Variants in DENND4C observed in about 807,000 individuals in gnomAD.
The protein encoded by DENND4C is DENN domain containing 4C.
Under a neutral mutation model 203.0 loss-of-function variants are expected in DENND4C, and 108 were observed. The observed-to-expected ratio is 0.53, with a 90% confidence interval of 0.46 to 0.62. The LOEUF is 0.62. DENND4C is among the 20% of genes least tolerant of loss of function. The pLI, the probability that DENND4C is intolerant of heterozygous loss-of-function variation, is 0.00. For synonymous variants in DENND4C, 871 were observed against 792.4 expected, an observed-to-expected ratio of 1.10 and a Z score of -1.67; for missense variants, 2,481 against 2,301.2, an observed-to-expected ratio of 1.08 and a Z score of -1.60.
Position 19,346,008 on chromosome 9 carries a change from A to C in DENND4C, c.3239A>C (p.Asp1080Ala). 2 of 1,614,160 alleles carry C rather than the reference A, an allele frequency of 1.2e-6. No individual in the cohort carries two copies. The highest frequency in any genetic ancestry group is 1.7e-6 in the Non-Finnish European group (2 of 1,180,032). Residue 1080 changes from aspartate to alanine, a missense_variant, in exon 23 of 33, where the codon GAT becomes GCT. Asp to Ala is a moderately radical substitution (Grantham distance 126). This residue lies in a region of DENND4C where 2,289 missense variants were observed against 2,113.3 expected (regional missense o/e 1.08). Transcript: ENST00000434457. Reference protein sequence around the residue: ...GEATNLKKNGDRGEKRQKHFP... With the variant: ...GEATNLKKNGARGEKRQKHFP... ...GCTACTAATCTCAAGAAGAATGGTG[A>C]TAGAGGAGAAAAAAGACAAAAGCAT...
rs1241047563 is a variant in DENND4C, at chr9:19,372,313, A to G, written c.*140A>G. 2.0e-6 allele frequency: 2 copies of G among 1,009,276 alleles called. No homozygotes were observed. The highest frequency in any genetic ancestry group is 1.4e-6 in the Non-Finnish European group (1 of 701,238). The allele number at this position is 1,009,276 out of a possible 1,614,324, so 62.5% of individuals were successfully genotyped here. A position where few individuals can be genotyped will look rare whatever the true frequency, so the allele number is the denominator to read the frequency against. On this transcript the variant is annotated 3_prime_UTR_variant, in exon 33 of 33. Transcript: ENST00000434457. ...TCTTGGGGACAATATATAATGAATT[A>G]TGATTCATATTGCATTACCTTGAAA...
At chr9:19,325,854 T>G in intron 13 of DENND4C, 85 bp from the exon 14 acceptor site, 2 of 1,380,512 alleles carry the variant, frequency 1.4e-6, no homozygotes, top group Non-Finnish European at 2.0e-6. Flanking sequence ...GGGGTAGTTT[T>G]TTTCTAAATC....
At chr9:19,236,892 T>A (rs192187726) in intron 1 of DENND4C, among the ~76,000 whole-genome samples, 171 of 152,376 alleles carry the variant, frequency 1.1e-3, no homozygotes, top group Middle Eastern at 0.01. Context: ...TGGTCCCCAG[T>A]CACATTGTCT....
rs774573541 is a variant in DENND4C at position 19,328,114 on chromosome 9, G to A, written c.2205G>A (p.Gly735=). 11 of 1,613,534 alleles carry A rather than the reference G, an allele frequency of 6.8e-6. No homozygotes were observed. The highest frequency in any genetic ancestry group is 8.5e-6 in the Non-Finnish European group (10 of 1,179,788). ...TTTGTTTTAGTAGACACCCTACTGG[G>A]AATAGCATTACAAAGAGTCCACCTC... ...LKLCFSRHPT[G]NSITKSPPLM... is the part of the protein sequence containing the mutation. The change falls in exon 16 of 33, where the codon GGG becomes GGA. Residue 735 remains glycine (G), a synonymous_variant. Transcript: ENST00000434457.
intron 10 of DENND4C, among the ~76,000 whole-genome samples, chr9:19,315,011 T>C (rs1451439606): frequency 6.6e-6 from 1 of 151,742 alleles, no homozygotes; most frequent in African/African-American, 2.4e-5. Flanking sequence ...AAATAAAAAA[T>C]TAGCTGGGCG....
intron 2 of DENND4C, among the ~76,000 whole-genome samples, chr9:19,283,304 A>G (rs1834502741): frequency 6.6e-6 from 1 of 152,176 alleles, no homozygotes; most frequent in Admixed American, 6.5e-5. Context: ...TCTTCAGGGC[A>G]GTAACCCACA....
chr9:19,289,447 A>G (rs1210259292), intron 4 of DENND4C, among the ~76,000 whole-genome samples: 1 of 152,212 alleles, frequency 6.6e-6, no homozygotes, highest in African/African-American at 2.4e-5. Flanking sequence ...TTTCATAAAA[A>G]CATTCATACT....
intron 12 of DENND4C, among the ~76,000 whole-genome samples, chr9:19,319,387 T>C (rs1485103308): frequency 3.6e-5 from 5 of 138,002 alleles, no homozygotes; most frequent in East Asian, 4.0e-4. Context: ...CATACATATA[T>C]ATATACATAT....
intron 3 of DENND4C, 85 bp from the exon 4 acceptor site, chr9:19,288,511 T>C: frequency 1.3e-6 from 1 of 788,928 alleles, no homozygotes; most frequent in Non-Finnish European, 1.7e-6. Context: ...TCTGAGTAAA[T>C]AAATGAATCT....
intron 1 of DENND4C, among the ~76,000 whole-genome samples, chr9:19,256,309 G>GTTTTTTTTTTTTTT (rs1165191635): frequency 9.4e-5 from 8 of 84,880 alleles, no homozygotes; most frequent in South Asian, 4.0e-4. Context: ...TTTTTTTTTT[G>GTTTTTTTTTTTTTT]TTTTTTTTTT....
rs188201229 is a variant in DENND4C at position 19,247,274 on chromosome 9, G to C, written c.-18+16441G>C. Among the ~76,000 whole-genome samples the C allele has an allele frequency of 1.3e-3, 203 of 152,248 alleles. 1 individual carries two copies. The highest frequency in any genetic ancestry group is 3.9e-3 in the African/African-American group (164 of 41,538). ...AACTTTTCTTTATCAGTATTCGTCA[G>C]TTAGTATTTGACAATTCTTTGAGTA... On this transcript the variant is annotated intron_variant, in intron 1 of 32. Coordinates refer to ENST00000434457, the MANE Select transcript of DENND4C (RefSeq NM_001330640.2).
intron 2 of DENND4C, among the ~76,000 whole-genome samples, chr9:19,284,155 A>G (rs1302062884): frequency 2.0e-5 from 3 of 152,234 alleles, no homozygotes; most frequent in African/African-American, 7.2e-5. Flanking sequence ...GCTAATTGAA[A>G]GGAAGTGGGA....
Position 19,366,387 on chromosome 9 carries a change from G to T in DENND4C, c.5525-3450G>T, listed in dbSNP as rs372825953. Among the ~76,000 whole-genome samples, 29 of 152,262 alleles carry T rather than the reference G, an allele frequency of 1.9e-4. 2 individuals are homozygous for T. The highest frequency in any genetic ancestry group is 7.8e-4 in the Admixed American group (12 of 15,290). On this transcript the variant is annotated intron_variant, in intron 30 of 32. Transcript: ENST00000434457. ...GAGGCCGAGGCGGGCGGATCACGAG[G>T]TCAGGAGATCGAGACCATCCTGGCT... is the stretch of plus-strand genomic sequence containing the variant.
chr9:19,330,408 C>T (rs1037565506), intron 16 of DENND4C, among the ~76,000 whole-genome samples: 8 of 132,344 alleles, frequency 6.0e-5, no homozygotes, highest in Admixed American at 2.6e-4. Flanking sequence ...GGCACGATTT[C>T]GGCTCACTGC....
chr9:19,324,614 G>A (rs1162489597), intron 13 of DENND4C, 107 bp downstream of exon 13: 9 of 1,179,226 alleles, frequency 7.6e-6, no homozygotes, highest in Non-Finnish European at 1.1e-5. Context: ...ACAGAGTAGG[G>A]TTGTGTATGT....
intron 1 of DENND4C, among the ~76,000 whole-genome samples, chr9:19,257,714 A>G (rs535336228): frequency 3.0e-4 from 46 of 152,374 alleles, no homozygotes; most frequent in Admixed American, 1.8e-3. Context: ...ACATCACTAC[A>G]TATTCTAAAG....
intron 28 of DENND4C, among the ~76,000 whole-genome samples, chr9:19,359,370 C>T (rs1356449689): frequency 6.6e-6 from 1 of 151,838 alleles, no homozygotes; most frequent in Non-Finnish European, 1.5e-5. Context: ...CACACACTAC[C>T]ATGCCTTAAA....
intron 2 of DENND4C, among the ~76,000 whole-genome samples, chr9:19,277,349 C>G (rs1335844566): frequency 6.6e-6 from 1 of 152,030 alleles, no homozygotes; most frequent in Non-Finnish European, 1.5e-5. Flanking sequence ...TGGTTTAGGT[C>G]TTCTTTAATT....
Position 19,334,951 on chromosome 9 carries a change from T to G in DENND4C, c.2461-26T>G, listed in dbSNP as rs138511261. ...ACAGATAGATTAGTATACTAATTAC[T>G]GACACTGATTTTTTTTTTTTGTTAG... is the stretch of plus-strand genomic sequence containing the variant. On this transcript the variant is annotated intron_variant, in intron 17 of 32. Coordinates refer to ENST00000434457, the MANE Select transcript of DENND4C (RefSeq NM_001330640.2). 1.5e-4 allele frequency: 238 copies of G among 1,574,290 alleles called. 1 individual carries two copies. The African/African-American group carries it at 2.9e-3, about 19-fold the overall frequency.
Sources: allele counts gnomAD v4.1 joint callset (sites outside exome capture counted in the v4.1 genomes callset), GRCh38; gene constraint gnomAD v4.1.1; regional missense constraint gnomAD v4.1.1; transcripts MANE v1.5; gene names NCBI Gene and HGNC (gene_info 2026-07-23, HGNC 2026-07-21).